PCDH15: variants seen among roughly 807,000 people sequenced by gnomAD.
The protein encoded by PCDH15 is protocadherin related 15.
PCDH15 carries 129 observed loss-of-function variants against 178.5 expected under a neutral mutation model. That is an observed-to-expected ratio of 0.72 (90% CI 0.63 to 0.84). The LOEUF is 0.84. Ranked by LOEUF, PCDH15 falls within the 40% of genes least tolerant of loss-of-function variation. PCDH15 has a pLI of 0.00. For synonymous variants in PCDH15, 800 were observed against 732.0 expected (o/e 1.09, Z -1.50); for missense variants, 2,230 against 2,099.9 (o/e 1.06, Z -1.21).
intron 8 of PCDH15, among the ~76,000 whole-genome samples, chr10:54,286,185 A>G (rs895168305): frequency 4.6e-5 from 7 of 152,216 alleles, no homozygotes; most frequent in Non-Finnish European, 1.0e-4. Flanking sequence ...CAAAATACTT[A>G]GAAGAAAGAA....
chr10:54,217,152 C>A (rs77275325), intron 9 of PCDH15, among the ~76,000 whole-genome samples: 8,350 of 152,040 alleles, frequency 0.055, 264 homozygotes, highest in South Asian at 0.12. Flanking sequence ...AATTTCATTA[C>A]CCATATCAAG....
rs1303549889 is a variant in PCDH15, at chr10:54,644,012, C to A, written c.91+20160G>T. 2.5e-5 allele frequency among the ~76,000 whole-genome samples: 3 copies of A among 121,332 alleles called. No individual in the cohort carries two copies. The East Asian group carries it at 8.0e-4, about 32-fold the overall frequency. 79.6% of individuals were successfully genotyped at this position (121,332 alleles called of 152,430 possible). ...GTCCCCAGAGTGTGATGTTCCCCTTCCTGTGTCCATGTGTTCTCATTGTTC... is the reference window on the plus strand; with the variant it reads ...GTCCCCAGAGTGTGATGTTCCCCTTACTGTGTCCATGTGTTCTCATTGTTC... On this transcript the variant is annotated intron_variant, in intron 2 of 37. Transcript: ENST00000644397.
intron 20 of PCDH15, among the ~76,000 whole-genome samples, chr10:54,006,951 T>G (rs780235814): frequency 1.3e-5 from 2 of 152,252 alleles, no homozygotes; most frequent in Non-Finnish European, 2.9e-5. Context: ...CACAGAAGCA[T>G]GTCTCCCTCT....
chr10:53,998,589 A>G (rs538792771), intron 20 of PCDH15, among the ~76,000 whole-genome samples: 1 of 152,184 alleles, frequency 6.6e-6, no homozygotes, highest in Non-Finnish European at 1.5e-5. Context: ...TAAGTTTGTA[A>G]ATGTAATGAC....
intron 5 of PCDH15, among the ~76,000 whole-genome samples, chr10:54,356,546 C>A (rs1357243691): frequency 6.6e-6 from 1 of 151,310 alleles, no homozygotes; most frequent in Non-Finnish European, 1.5e-5. Flanking sequence ...TAATGTATGA[C>A]ATACTTATAT....
intron 2 of PCDH15, among the ~76,000 whole-genome samples, chr10:55,559,111 T>A (rs991037277): frequency 1.3e-5 from 2 of 152,058 alleles, no homozygotes; most frequent in African/African-American, 4.8e-5. Flanking sequence ...TTCCTGATTA[T>A]GGCCCTACAC....
chr10:54,606,308 A>G lies in PCDH15; in HGVS notation c.91+57864T>C, dbSNP rs576330834. 5.3e-5 allele frequency: 8 copies of G among 152,240 alleles called. No homozygotes were observed. The South Asian group carries it at 1.0e-3, about 20-fold the overall frequency. The allele number at this position is 152,240 out of a possible 1,614,324, so 9.4% of individuals were successfully genotyped here. Reference sequence around the variant, plus strand: ...AGCTGGCCACAGTAGTGATGATTCTATTTCCTGAGAGGTGAGAATTGCTGC... The same window carrying G: ...AGCTGGCCACAGTAGTGATGATTCTGTTTCCTGAGAGGTGAGAATTGCTGC... On this transcript the variant is annotated intron_variant, in intron 2 of 37. Transcript: ENST00000644397.
chr10:55,436,701 AT>A (rs1839047921), intron 2 of PCDH15, among the ~76,000 whole-genome samples: 1 of 152,142 alleles, frequency 6.6e-6, no homozygotes, highest in African/African-American at 2.4e-5. Context: ...GTCTCTGCAA[AT>A]TTGCGTAAAG....
chr10:53,868,481 G>C (rs2079607357), intron 26 of PCDH15, among the ~76,000 whole-genome samples: 1 of 152,070 alleles, frequency 6.6e-6, no homozygotes, highest in Non-Finnish European at 1.5e-5. Flanking sequence ...TTCTTAACCA[G>C]CTCTGTCTTA....
chr10:53,808,942 G>A, intron 37 of PCDH15: 1 of 1,561,258 alleles, frequency 6.4e-7, no homozygotes, highest in South Asian at 1.2e-5. Flanking sequence ...CACAGGGGCT[G>A]GTCCACTTTC....
chr10:54,689,283 A>C (rs2095071794), intron 1 of PCDH15, among the ~76,000 whole-genome samples: 1 of 152,166 alleles, frequency 6.6e-6, no homozygotes, highest in Non-Finnish European at 1.5e-5. Context: ...TACATATGCA[A>C]AGTGTATTAT....
chr10:55,519,736 CT>C (rs71014499), intron 2 of PCDH15, among the ~76,000 whole-genome samples: 3 of 149,990 alleles, frequency 2.0e-5, no homozygotes, highest in Non-Finnish European at 3.0e-5. Context: ...TTATGTGTAT[CT>C]TTTTTTTTAC....
At chr10:54,928,235 T>C (rs1198138259) in intron 2 of PCDH15, among the ~76,000 whole-genome samples, 2 of 152,340 alleles carry the variant, frequency 1.3e-5, no homozygotes, top group East Asian at 3.9e-4. Context: ...ATGAAATTTC[T>C]TTTCATTTAG....
rs146992717 is a variant in PCDH15 at position 55,201,952 on chromosome 10, C to G, written c.-155-35301G>C. Among the ~76,000 whole-genome samples, 91 of 152,082 alleles carry G rather than the reference C, an allele frequency of 6.0e-4. 1 individual carries two copies. Among genetic ancestry groups the G allele is most frequent in the Non-Finnish European group, 1.1e-3 (78 of 67,992 alleles). ...ATTTAAAGTTTTTCATTTTTTCCCCCTAGGTTTAGAAAATTCTGGGATAAA... is the reference window on the plus strand; with the variant it reads ...ATTTAAAGTTTTTCATTTTTTCCCCGTAGGTTTAGAAAATTCTGGGATAAA... On this transcript the variant is annotated intron_variant, in intron 1 of 5. Transcript: ENST00000458638.
intron 1 of PCDH15, among the ~76,000 whole-genome samples, chr10:54,779,404 ATG>A (rs1566220406): frequency 1.4e-4 from 11 of 79,846 alleles, no homozygotes; most frequent in Admixed American, 2.6e-4. Flanking sequence ...CTATATATAT[ATG>A]TATATATATA....
chr10:53,894,371 A>T (rs2133535473), intron 26 of PCDH15, among the ~76,000 whole-genome samples: 1 of 152,320 alleles, frequency 6.6e-6, no homozygotes, highest in African/African-American at 2.4e-5. Flanking sequence ...ACCAGACGAG[A>T]TCGGGCGCAT....
chr10:54,066,908 A>G, intron 17 of PCDH15, 23 bp from the exon 18 acceptor site: 1 of 1,611,016 alleles, frequency 6.2e-7, no homozygotes, highest in South Asian at 1.1e-5. Flanking sequence ...CACAAGCATT[A>G]AATGTGAGAG....
chr10:53,913,805 C>T (rs11003929), intron 25 of PCDH15, among the ~76,000 whole-genome samples: 25,394 of 151,828 alleles, frequency 0.17, 3,059 homozygotes, highest in East Asian at 0.62. Context: ...GCAAAATAAG[C>T]TACCATCAGA....
intron 5 of PCDH15, among the ~76,000 whole-genome samples, chr10:54,354,426 T>C (rs909282464): frequency 6.6e-6 from 1 of 152,234 alleles, no homozygotes. Context: ...TCCTTATCTC[T>C]TTCTCTTTTT....
Sources: gnomAD v4.1 joint callset for allele counts (sites outside exome capture counted in the v4.1 genomes callset) on GRCh38, gnomAD v4.1.1 for gene constraint, MANE v1.5 for transcripts, NCBI Gene and HGNC (gene_info 2026-07-23, HGNC 2026-07-21) for gene names.